The following ARID5B variants were observed in gnomAD, a reference collection of about 807,000 sequenced individuals.
ARID5B encodes AT-rich interaction domain 5B, also known as AT-rich interactive domain-containing protein 5B.
In ARID5B, 13 loss-of-function variants were observed where a neutral mutation model predicts 97.2. That is an observed-to-expected ratio of 0.13 (90% CI 0.09 to 0.21). ARID5B has a LOEUF of 0.21. ARID5B is among the 10% of genes least tolerant of loss of function. The pLI is 1.00. For synonymous variants in ARID5B, 556 were observed against 570.3 expected, an observed-to-expected ratio of 0.97 and a Z score of 0.36; for missense variants, 1,210 against 1,465.3, an observed-to-expected ratio of 0.83 and a Z score of 2.84.
In ARID5B at chr10:62,096,252, A is replaced by T; in HGVS notation, c.*3222A>T. On this transcript the variant is annotated 3_prime_UTR_variant, in exon 10 of 10. Coordinates refer to ENST00000279873, the MANE Select transcript of ARID5B (RefSeq NM_032199.3). ...TGGTGCATGAATTCTCAAGTACTGTATTTCACTGTGTTGGTGTGTCTGATG... is the reference window on the plus strand; with the variant it reads ...TGGTGCATGAATTCTCAAGTACTGTTTTTCACTGTGTTGGTGTGTCTGATG... 4.3e-6 allele frequency: 1 copy of T among 233,670 alleles called. No homozygotes were observed. The highest frequency in any genetic ancestry group is 1.3e-3 in the Middle Eastern group (1 of 786). 14.5% of individuals were successfully genotyped at this position (233,670 alleles called of 1,614,324 possible). A position where few individuals can be genotyped will look rare whatever the true frequency, so the allele number is the denominator to read the frequency against.
chr10:61,944,745 T>C (rs566281462), intron 3 of ARID5B, among the ~76,000 whole-genome samples: 3 of 152,356 alleles, frequency 2.0e-5, no homozygotes, highest in Non-Finnish European at 2.9e-5. Flanking sequence ...CCAAGGTTAT[T>C]AAAACAGCAT....
intron 4 of ARID5B, among the ~76,000 whole-genome samples, chr10:62,018,203 T>C (rs969524790): frequency 3.3e-5 from 5 of 152,182 alleles, no homozygotes; most frequent in Non-Finnish European, 5.9e-5. Context: ...TGGGCAGACC[T>C]CCTCTCCCTT....
chr10:61,944,955 A>G (rs1422547382), intron 3 of ARID5B, among the ~76,000 whole-genome samples: 1 of 152,246 alleles, frequency 6.6e-6, no homozygotes, highest in Non-Finnish European at 1.5e-5. Context: ...GGGTTCCCTC[A>G]GTTCAATTTC....
intron 2 of ARID5B, among the ~76,000 whole-genome samples, chr10:61,930,552 C>G (rs1844187711): frequency 6.6e-6 from 1 of 151,700 alleles, no homozygotes; most frequent in Non-Finnish European, 1.5e-5. Context: ...AACTCCGTCT[C>G]TACTAAAAAT....
At chr10:62,049,197 G>A in intron 4 of ARID5B, 1 of 1,307,420 alleles carries the variant, frequency 7.6e-7, no homozygotes, top group Non-Finnish European at 9.7e-7. Flanking sequence ...TCCGTGCGGG[G>A]AGGTGGAGAG....
At position 62,004,675 on chromosome 10, in the gene ARID5B, T is replaced by C. The variant is rs151009327; in HGVS notation, c.733+4354T>C. 4.7e-4 allele frequency among the ~76,000 whole-genome samples: 71 copies of C among 152,346 alleles called. No homozygotes were observed. In the East Asian group the frequency reaches 0.013, roughly 29 times the overall value. ...GTCATTTATATTGTGTTATTTCCTATGCAATAGAAAAAACAAACACATACA... is the reference window on the plus strand; with the variant it reads ...GTCATTTATATTGTGTTATTTCCTACGCAATAGAAAAAACAAACACATACA... On this transcript the variant is annotated intron_variant, in intron 4 of 9. Coordinates refer to ENST00000279873, the MANE Select transcript of ARID5B (RefSeq NM_032199.3).
At chr10:61,905,058 C>T (rs1843687436) in intron 2 of ARID5B, among the ~76,000 whole-genome samples, 1 of 152,180 alleles carries the variant, frequency 6.6e-6, no homozygotes, top group East Asian at 1.9e-4. Flanking sequence ...ATTCCATTAA[C>T]TTGTTTATAT....
At chr10:61,937,163 A>G (rs2132791557) in intron 2 of ARID5B, among the ~76,000 whole-genome samples, 1 of 152,356 alleles carries the variant, frequency 6.6e-6, no homozygotes, top group Admixed American at 6.5e-5. Context: ...ACTGGACTGA[A>G]TACAATGCAA....
At chr10:62,015,103 A>T (rs1319830806) in intron 4 of ARID5B, among the ~76,000 whole-genome samples, 1 of 152,250 alleles carries the variant, frequency 6.6e-6, no homozygotes, top group Non-Finnish European at 1.5e-5. Flanking sequence ...TTTTATTGAG[A>T]GCATACCATG....
At chr10:61,901,857 A>G in intron 1 of ARID5B, 127 bp downstream of exon 1, 1 of 728,640 alleles carries the variant, frequency 1.4e-6, no homozygotes, top group Non-Finnish European at 2.3e-6. Flanking sequence ...TACCCTCTGC[A>G]TCCCCCAAAA....
chr10:61,955,179 T>G (rs1838375068), intron 3 of ARID5B, among the ~76,000 whole-genome samples: 1 of 152,212 alleles, frequency 6.6e-6, no homozygotes, highest in Non-Finnish European at 1.5e-5. Context: ...GTTTATATAC[T>G]GTTCAGTGTG....
chr10:61,921,852 TTATTTTTGAGACAGAGTCTCACTC>T (rs1217825313), intron 2 of ARID5B, among the ~76,000 whole-genome samples: 10 of 152,244 alleles, frequency 6.6e-5, no homozygotes, highest in African/African-American at 2.2e-4. Context: ...ATCTATTTAT[TTATTTTTGAGACAGAGTCTCACTC>T]TGTCACCTGG....
chr10:62,092,941 A>G lies in ARID5B; in HGVS notation c.3478A>G (p.Asn1160Asp), dbSNP rs769710985. The change falls in exon 10 of 10, where the codon AAC (asparagine) becomes GAC (aspartate). Residue 1160 changes from asparagine (N) to aspartate (D), a missense_variant. Transcript: ENST00000279873. ...VGSSYGDLLHNSIYPLAAINP... is the reference protein window; with the variant it reads ...VGSSYGDLLHDSIYPLAAINP... ...AAGTTCATATGGGGACCTTTTGCAT[A>G]ACAGCATTTACCCTTTAGCTGCTAT... 1.1e-5 allele frequency: 17 copies of G among 1,614,154 alleles called. No individual in the cohort carries two copies. Among genetic ancestry groups the G allele is most frequent in the Non-Finnish European group, 1.3e-5 (15 of 1,180,018 alleles).
chr10:62,091,883 A>G lies in ARID5B; in HGVS notation c.2420A>G (p.Gln807Arg). 6.2e-7 allele frequency: 1 copy of G among 1,614,088 alleles called. No homozygotes were observed. Among genetic ancestry groups the G allele is most frequent in the South Asian group, 1.1e-5 (1 of 91,080 alleles). The change falls in exon 10 of 10, where the codon CAG (glutamine) becomes CGG (arginine). Residue 807 changes from glutamine to arginine, a missense_variant. Gln to Arg is a conservative substitution (Grantham distance 43). Coordinates refer to ENST00000279873, the MANE Select transcript of ARID5B (RefSeq NM_032199.3). ...ADSYVLKQEI[Q>R]EGKDKLLEKR... ...TCCTACGTCCTGAAGCAAGAAATTC[A>G]GGAGGGCAAGGATAAACTCTTAGAG...
intron 9 of ARID5B, among the ~76,000 whole-genome samples, chr10:62,087,543 A>C (rs1589292568): frequency 6.6e-6 from 1 of 151,706 alleles, no homozygotes; most frequent in African/African-American, 2.4e-5. Flanking sequence ...AAAAAAAAAA[A>C]AAAACTGAGC....
At chr10:61,934,962 G>A (rs145696302) in intron 2 of ARID5B, among the ~76,000 whole-genome samples, 60 of 150,392 alleles carry the variant, frequency 4.0e-4, no homozygotes, top group African/African-American at 1.4e-3. Context: ...GCAGTGAGCC[G>A]AGATTGCACC....
intron 4 of ARID5B, among the ~76,000 whole-genome samples, chr10:62,019,923 A>G (rs75175584): frequency 0.023 from 3,537 of 152,222 alleles, 120 homozygotes; most frequent in African/African-American, 0.08. Flanking sequence ...TGATTCCCAC[A>G]TTTTGTGGGT....
intron 7 of ARID5B, among the ~76,000 whole-genome samples, chr10:62,062,598 A>ATC (rs1839935117): frequency 6.6e-6 from 1 of 152,156 alleles, no homozygotes; most frequent in Admixed American, 6.6e-5. Context: ...TTACTACAGA[A>ATC]ACAGGGTAGA....
At chr10:62,080,995 G>A (rs1182250487) in intron 8 of ARID5B, among the ~76,000 whole-genome samples, 2 of 151,978 alleles carry the variant, frequency 1.3e-5, no homozygotes, top group Non-Finnish European at 2.9e-5. Flanking sequence ...GCTAATTATT[G>A]TATTTTTAGT....
Sources: allele counts gnomAD v4.1 joint callset (sites outside exome capture counted in the v4.1 genomes callset), GRCh38; gene constraint gnomAD v4.1.1; transcripts MANE v1.5; gene names NCBI Gene and HGNC (gene_info 2026-07-23, HGNC 2026-07-21).